MEGF11: variants seen among roughly 807,000 people sequenced by gnomAD.
MEGF11 encodes multiple epidermal growth factor-like domains protein 11.
A neutral mutation model predicts 146.6 loss-of-function variants in MEGF11; 126 were observed. The ratio of observed to expected loss-of-function variants is 0.86; its 90% CI spans 0.74 to 1.00. The LOEUF is 1.00. Among genes scored for constraint, MEGF11 ranks in the 50% least tolerant of loss-of-function variants. MEGF11 has a pLI of 0.00. For synonymous variants in MEGF11, 532 were observed against 583.4 expected (o/e 0.91, Z 1.27); for missense variants, 1,509 against 1,521.2 (o/e 0.99, Z 0.13).
intron 1 of MEGF11, among the ~76,000 whole-genome samples, chr15:66,211,196 C>G (rs2091435601): frequency 6.6e-6 from 1 of 152,138 alleles, no homozygotes; most frequent in South Asian, 2.1e-4. Flanking sequence ...CATTTTTTCC[C>G]TCTAAGACAA....
chr15:66,140,304 G>A (rs756959005), intron 1 of MEGF11, among the ~76,000 whole-genome samples: 5 of 152,200 alleles, frequency 3.3e-5, no homozygotes, highest in Non-Finnish European at 7.3e-5. Context: ...TTGGTAACAG[G>A]TGTTGAAACT....
chr15:66,246,725 C>T (rs527804773), intron 1 of MEGF11, among the ~76,000 whole-genome samples: 17 of 152,210 alleles, frequency 1.1e-4, no homozygotes, highest in African/African-American at 1.4e-4. Flanking sequence ...GTGGGAGAAT[C>T]GTTTGACCCA....
chr15:66,053,920 A>C (rs1306853252), intron 5 of MEGF11, among the ~76,000 whole-genome samples: 1 of 151,446 alleles, frequency 6.6e-6, no homozygotes, highest in Non-Finnish European at 1.5e-5. Flanking sequence ...GGGTTTTGCC[A>C]TGTTGCCCAG....
intron 10 of MEGF11, among the ~76,000 whole-genome samples, chr15:65,948,028 T>C (rs1470078203): frequency 6.6e-6 from 1 of 152,192 alleles, no homozygotes; most frequent in East Asian, 1.9e-4. Flanking sequence ...GGCCTCATCT[T>C]AGTGACATAA....
At chr15:66,187,209 AG>A (rs1271226067) in intron 1 of MEGF11, among the ~76,000 whole-genome samples, 1 of 152,228 alleles carries the variant, frequency 6.6e-6, no homozygotes, top group Non-Finnish European at 1.5e-5. Context: ...TCCTGGGGAA[AG>A]GGAAGCATTT....
intron 1 of MEGF11, among the ~76,000 whole-genome samples, chr15:66,165,259 C>A (rs933827399): frequency 3.9e-5 from 6 of 152,130 alleles, no homozygotes; most frequent in Admixed American, 1.3e-4. Flanking sequence ...TGACCCTGGG[C>A]AAACTATAAA....
rs1047556941 is a variant in MEGF11 at position 65,976,693 on chromosome 15, G to A, written c.762+4085C>T. Among the ~76,000 whole-genome samples the A allele has an allele frequency of 1.1e-4, 16 of 152,208 alleles. 1 individual carries two copies. Among genetic ancestry groups the A allele is most frequent in the Admixed American group, 5.9e-4 (9 of 15,280 alleles). ...GTTATGGCAGCCTCAACAGATTCAT[G>A]TACTTGCCCTGTGGTCAGTTAAGTG... On this transcript the variant is annotated intron_variant, in intron 7 of 25. Coordinates refer to ENST00000395614, the MANE Select transcript of MEGF11 (RefSeq NM_001385028.1).
chr15:66,162,337 T>C (rs1052059617), intron 1 of MEGF11, among the ~76,000 whole-genome samples: 1 of 152,194 alleles, frequency 6.6e-6, no homozygotes, highest in African/African-American at 2.4e-5. Flanking sequence ...TTAAATTTTA[T>C]GTGATGTATA....
intron 1 of MEGF11, among the ~76,000 whole-genome samples, chr15:66,210,301 G>A (rs189088862): frequency 6.1e-4 from 93 of 152,232 alleles, no homozygotes; most frequent in African/African-American, 2.0e-3. Context: ...AATGTAAAGA[G>A]GCGCTCACTC....
chr15:66,018,570 C>A (rs1297615911), intron 5 of MEGF11, among the ~76,000 whole-genome samples: 4 of 152,174 alleles, frequency 2.6e-5, no homozygotes, highest in Non-Finnish European at 4.4e-5. Context: ...CAGCAGCCCA[C>A]GACCGTGAAT....
chr15:66,234,441 T>C (rs2092044347), intron 1 of MEGF11, among the ~76,000 whole-genome samples: 1 of 152,174 alleles, frequency 6.6e-6, no homozygotes, highest in African/African-American at 2.4e-5. Flanking sequence ...ACCATTTGAG[T>C]CCAAGCCCAC....
intron 13 of MEGF11, among the ~76,000 whole-genome samples, chr15:65,925,401 C>CTGTT (rs2141275353): frequency 6.6e-6 from 1 of 152,264 alleles, no homozygotes; most frequent in Non-Finnish European, 1.5e-5. Context: ...GGGAGTGGGG[C>CTGTT]TGTTTGTGGT....
chr15:66,153,796 C>T (rs531909453), intron 1 of MEGF11, among the ~76,000 whole-genome samples: 3 of 152,166 alleles, frequency 2.0e-5, no homozygotes, highest in African/African-American at 7.2e-5. Flanking sequence ...TGTCTTCCCA[C>T]TCTACTCCCC....
In MEGF11 at chr15:65,921,234, A is replaced by G. The variant is rs148502849; in HGVS notation, c.1957+1104T>C. ...GAAGTATTTAAGCAGAGTCCAGATG[A>G]GATTTCTTGCATAGATGACCTTGAA... is the stretch of plus-strand genomic sequence containing the variant. On this transcript the variant is annotated intron_variant, in intron 15 of 25. Coordinates refer to ENST00000395614, the MANE Select transcript of MEGF11 (RefSeq NM_001385028.1). Among the ~76,000 whole-genome samples, 327 of 152,346 alleles carry G rather than the reference A, an allele frequency of 2.1e-3. 1 individual carries two copies. The highest frequency in any genetic ancestry group is 7.5e-3 in the African/African-American group (312 of 41,576).
At chr15:66,185,196 C>G (rs571783665) in intron 1 of MEGF11, among the ~76,000 whole-genome samples, 1 of 152,212 alleles carries the variant, frequency 6.6e-6, no homozygotes, top group African/African-American at 2.4e-5. Context: ...GACGGCAGCT[C>G]ATTTACAACC....
chr15:65,955,618 C>T (rs1314298723), intron 10 of MEGF11, among the ~76,000 whole-genome samples: 1 of 147,222 alleles, frequency 6.8e-6, no homozygotes, highest in Non-Finnish European at 1.5e-5. Context: ...GTGGCACATG[C>T]CTGTAATCCC....
chr15:66,036,275 C>T (rs2083722605), intron 5 of MEGF11, among the ~76,000 whole-genome samples: 1 of 152,242 alleles, frequency 6.6e-6, no homozygotes. Flanking sequence ...ACTGGCTTTC[C>T]TCTTCTCTAT....
chr15:65,913,661 C>A, intron 20 of MEGF11, 76 bp downstream of exon 20: 1 of 1,347,716 alleles, frequency 7.4e-7, no homozygotes. Context: ...CAGCAGCCAA[C>A]CCTACAGGCA....
At chr15:66,043,983 G>C (rs2084096406) in intron 5 of MEGF11, among the ~76,000 whole-genome samples, 1 of 152,154 alleles carries the variant, frequency 6.6e-6, no homozygotes, top group South Asian at 2.1e-4. Context: ...CCTCAATAAG[G>C]CTTTTAAGAA....
Sources: gnomAD v4.1 joint callset for allele counts (sites outside exome capture counted in the v4.1 genomes callset) on GRCh38, gnomAD v4.1.1 for gene constraint, MANE v1.5 for transcripts, NCBI Gene and HGNC (gene_info 2026-07-23, HGNC 2026-07-21) for gene names.